The following DDX52 variants were observed in gnomAD, a reference collection of about 807,000 sequenced individuals.
DDX52 encodes DExD-box helicase 52.
A neutral mutation model predicts 76.1 loss-of-function variants in DDX52; 59 were observed. That is an observed-to-expected ratio of 0.78 (90% CI 0.63 to 0.96). DDX52 has a LOEUF of 0.96. Ranked by LOEUF, DDX52 falls within the 40% of genes least tolerant of loss-of-function variation. DDX52 has a pLI of 0.00. For synonymous variants in DDX52, 231 were observed against 244.1 expected, an observed-to-expected ratio of 0.95 and a Z score of 0.50; for missense variants, 707 against 703.9, an observed-to-expected ratio of 1.00 and a Z score of -0.05.
At chr17:37,640,057 G>A (rs1210016711) in intron 2 of DDX52, among the ~76,000 whole-genome samples, 1 of 152,206 alleles carries the variant, frequency 6.6e-6, no homozygotes, top group Admixed American at 6.5e-5. Context: ...ACTATGCTGT[G>A]TTACAATGAA....
rs1048431640 is a variant in DDX52, at chr17:37,611,812, T to A, written c.*2484A>T. Reference sequence around the variant, plus strand: ...CCTCGTCTCTACAAAATTTAAAAATTAGCTGAGTGTTGGTGGCCCGCACCT... The same window carrying A: ...CCTCGTCTCTACAAAATTTAAAAATAAGCTGAGTGTTGGTGGCCCGCACCT... On this transcript the variant is annotated 3_prime_UTR_variant, in exon 15 of 15. Transcript: ENST00000617633. 6.7e-6 allele frequency: 1 copy of A among 150,106 alleles called. No homozygotes were observed. Among genetic ancestry groups the A allele is most frequent in the Admixed American group, 6.6e-5 (1 of 15,094 alleles). The allele number at this position is 150,106 out of a possible 1,614,324, so 9.3% of individuals were successfully genotyped here.
chr17:37,618,133 A>C (rs1417062020), intron 14 of DDX52, among the ~76,000 whole-genome samples, 159 bp downstream of exon 14: 2 of 152,008 alleles, frequency 1.3e-5, no homozygotes, highest in Non-Finnish European at 2.9e-5. Flanking sequence ...AAACAAACAA[A>C]TTTCCCAATT....
At chr17:37,641,435 A>G (rs377262919) in intron 2 of DDX52, among the ~76,000 whole-genome samples, 2 of 151,650 alleles carry the variant, frequency 1.3e-5, no homozygotes, top group Non-Finnish European at 2.9e-5. Flanking sequence ...ACCAGTTATC[A>G]GTAAAATATA....
chr17:37,628,853 C>T (rs1344369791), intron 5 of DDX52, among the ~76,000 whole-genome samples, 181 bp from the exon 6 acceptor site: 1 of 152,098 alleles, frequency 6.6e-6, no homozygotes, highest in African/African-American at 2.4e-5. Context: ...TAATAAGATT[C>T]AATAATTTCT....
intron 5 of DDX52, among the ~76,000 whole-genome samples, chr17:37,629,128 G>A (rs1009657592): frequency 1.1e-4 from 16 of 151,886 alleles, no homozygotes; most frequent in African/African-American, 3.9e-4. Flanking sequence ...GGCTGAGGCA[G>A]GAGAATCACT....
intron 2 of DDX52, among the ~76,000 whole-genome samples, 177 bp downstream of exon 2, chr17:37,641,933 C>T (rs1228196140): frequency 6.6e-6 from 1 of 152,206 alleles, no homozygotes; most frequent in South Asian, 2.1e-4. Flanking sequence ...GTATAAATAT[C>T]TTTACTTAAA....
Position 37,611,998 on chromosome 17 carries a change from A to G in DDX52, c.*2298T>C, listed in dbSNP as rs1352326059. 2.7e-5 allele frequency: 4 copies of G among 149,160 alleles called. No individual in the cohort carries two copies. The East Asian group carries it at 5.8e-4, about 22-fold the overall frequency. The allele number at this position is 149,160 out of a possible 1,614,324, so 9.2% of individuals were successfully genotyped here. A position where few individuals can be genotyped will look rare whatever the true frequency, so the allele number is the denominator to read the frequency against. ...ACAAAACAAAAAAACTCATAAAGTA[A>G]AAGTTACAGTAAGCTAAGGTTAATT... On this transcript the variant is annotated 3_prime_UTR_variant, in exon 15 of 15. Transcript: ENST00000617633.
intron 2 of DDX52, among the ~76,000 whole-genome samples, chr17:37,634,049 A>C (rs920032324): frequency 1.3e-5 from 2 of 151,092 alleles, no homozygotes; most frequent in African/African-American, 4.9e-5. Context: ...TGGTTCAAGA[A>C]ATTCTCTGCC....
At chr17:37,620,758 C>A in intron 12 of DDX52, 115 bp downstream of exon 12, 3 of 1,068,320 alleles carry the variant, frequency 2.8e-6, no homozygotes, top group South Asian at 1.9e-5. Context: ...CAACTAACAC[C>A]ATTATCAGTA....
intron 11 of DDX52, 67 bp from the exon 12 acceptor site, chr17:37,621,015 A>T: frequency 6.4e-7 from 1 of 1,560,424 alleles, no homozygotes. Flanking sequence ...TTCATTTATA[A>T]AAGTCACTGG....
At chr17:37,636,171 A>G (rs2030914551) in intron 2 of DDX52, among the ~76,000 whole-genome samples, 1 of 152,198 alleles carries the variant, frequency 6.6e-6, no homozygotes, top group Admixed American at 6.5e-5. Flanking sequence ...GAACCTTGAC[A>G]TATCTCAAGG....
At chr17:37,632,973 G>A (rs2030750507) in intron 3 of DDX52, among the ~76,000 whole-genome samples, 1 of 152,160 alleles carries the variant, frequency 6.6e-6, no homozygotes, top group African/African-American at 2.4e-5. Flanking sequence ...AAGAAAGGGA[G>A]CCAAATTTTG....
In DDX52 at chr17:37,618,287, C is replaced by T; in HGVS notation, c.1742+5G>A. On this transcript the variant is annotated splice_donor_5th_base_variant and intron_variant, in intron 14 of 14. Coordinates refer to ENST00000617633, the MANE Select transcript of DDX52 (RefSeq NM_007010.5). Reference sequence around the variant, plus strand: ...AAACAGCCATTTTTCTTACCACATACTTACTGTTTATCCTTAGCTTTTTCT... The same window carrying T: ...AAACAGCCATTTTTCTTACCACATATTTACTGTTTATCCTTAGCTTTTTCT... 2 of 1,590,662 alleles carry T rather than the reference C, an allele frequency of 1.3e-6. No individual in the cohort carries two copies. The highest frequency in any genetic ancestry group is 1.7e-6 in the Non-Finnish European group (2 of 1,172,886).
intron 2 of DDX52, among the ~76,000 whole-genome samples, chr17:37,639,874 G>T (rs1306186093): frequency 6.6e-6 from 1 of 152,134 alleles, no homozygotes; most frequent in Non-Finnish European, 1.5e-5. Context: ...CTTTTCCTAA[G>T]TTTGTGGCGT....
intron 14 of DDX52, among the ~76,000 whole-genome samples, chr17:37,616,291 G>A (rs759503658): frequency 1.3e-5 from 2 of 152,160 alleles, no homozygotes; most frequent in Non-Finnish European, 2.9e-5. Flanking sequence ...GCATAACAAG[G>A]TTCGCTACCA....
chr17:37,637,841 T>A (rs1360680956), intron 2 of DDX52, among the ~76,000 whole-genome samples: 1 of 152,220 alleles, frequency 6.6e-6, no homozygotes, highest in Non-Finnish European at 1.5e-5. Context: ...CCCAAAGTGC[T>A]GGGATTACAA....
intron 8 of DDX52, 146 bp downstream of exon 8, chr17:37,625,749 A>G (rs2030333746): frequency 2.3e-6 from 2 of 857,874 alleles, no homozygotes; most frequent in Non-Finnish European, 3.5e-6. Context: ...TCCTTAAACA[A>G]TCTTGGCTTA....
intron 12 of DDX52, 121 bp downstream of exon 12, chr17:37,620,752 T>C: frequency 9.7e-7 from 1 of 1,025,820 alleles, no homozygotes; most frequent in Non-Finnish European, 1.3e-6. Context: ...TTTGGTCAAC[T>C]AACACCATTA....
chr17:37,616,676 G>T (rs1324180784), intron 14 of DDX52, among the ~76,000 whole-genome samples: 1 of 148,388 alleles, frequency 6.7e-6, no homozygotes, highest in African/African-American at 2.6e-5. Context: ...AAAAAAAAAA[G>T]TAAATGTGAT....
Sources: gnomAD v4.1 joint callset for allele counts (sites outside exome capture counted in the v4.1 genomes callset) on GRCh38, gnomAD v4.1.1 for gene constraint, MANE v1.5 for transcripts, NCBI Gene and HGNC (gene_info 2026-07-23, HGNC 2026-07-21) for gene names.